Variants in ASTN2 observed in about 807,000 individuals in gnomAD.
The protein encoded by ASTN2 is astrotactin 2.
A neutral mutation model predicts 139.8 loss-of-function variants in ASTN2; 54 were observed. The observed-to-expected ratio is 0.39, with a 90% CI of 0.31 to 0.48. The LOEUF (loss-of-function observed/expected upper bound fraction) is 0.48, where lower values mean the gene tolerates loss of function less well. Among genes scored for constraint, ASTN2 ranks in the 20% least tolerant of loss-of-function variants. The pLI is 0.95. For synonymous variants in ASTN2, 756 were observed against 719.5 expected (o/e 1.05, Z -0.81); for missense variants, 1,565 against 1,725.1 (o/e 0.91, Z 1.64).
At chr9:116,632,191 A>AGG (rs1564168894) in intron 17 of ASTN2, among the ~76,000 whole-genome samples, 7 of 20,878 alleles carry the variant, frequency 3.4e-4, no homozygotes, top group Non-Finnish European at 5.5e-4. Context: ...AGAGGGAGAG[A>AGG]GAGAGAAAGA....
chr9:116,986,702 C>T (rs1836693391), intron 7 of ASTN2, among the ~76,000 whole-genome samples: 1 of 152,150 alleles, frequency 6.6e-6, no homozygotes, highest in African/African-American at 2.4e-5. Context: ...CAGACAGAGG[C>T]CCAGAGGGGT....
At chr9:116,973,670 T>C (rs900429150) in intron 10 of ASTN2, among the ~76,000 whole-genome samples, 4 of 152,226 alleles carry the variant, frequency 2.6e-5, no homozygotes, top group Non-Finnish European at 5.9e-5. Flanking sequence ...TTAAAATATA[T>C]AATGCAGAGA....
intron 11 of ASTN2, among the ~76,000 whole-genome samples, chr9:116,835,552 G>T (rs181204383): frequency 1.2e-3 from 178 of 152,162 alleles, no homozygotes; most frequent in African/African-American, 4.0e-3. Context: ...AAGGAACTTT[G>T]GTCTCCACAA....
rs1478094082 is a variant in ASTN2 at position 117,414,631 on chromosome 9, G to T, written c.308C>A (p.Ala103Glu). 7.5e-7 allele frequency: 1 copy of T among 1,329,632 alleles called. No homozygotes were observed. Among genetic ancestry groups the T allele is most frequent in the South Asian group, 2.0e-5 (1 of 51,078 alleles). 82.4% of individuals were successfully genotyped at this position (1,329,632 alleles called of 1,614,324 possible). A position where few individuals can be genotyped will look rare whatever the true frequency, so the allele number is the denominator to read the frequency against. The change falls in exon 1 of 23, where the codon GCG becomes GAG. Residue 103 changes from alanine (A) to glutamate (E), a missense_variant. Transcript: ENST00000313400. The surrounding 1 kb of genome is among the most constrained non-coding windows in gnomAD (Gnocchi z 4.2). Reference protein sequence around the residue: ...GTGAGAAAAAASPGSPGSAGT... With the variant: ...GTGAGAAAAAESPGSPGSAGT... ...GGCAGAGCCAGGAGAGCCCGGGGAC[G>T]CGGCGGCGGCGGCGGCTCCGGCCCC...
Position 116,698,119 on chromosome 9 carries a change from C to T in ASTN2, c.2806+27652G>A, listed in dbSNP as rs755478136. Reference sequence around the variant, plus strand: ...GTGTTATGTGAGCCCTGCCGGGAGGCAGACCATCAGCCTCCTGGCCACTGT... The same window carrying T: ...GTGTTATGTGAGCCCTGCCGGGAGGTAGACCATCAGCCTCCTGGCCACTGT... On this transcript the variant is annotated intron_variant, in intron 16 of 22. Transcript: ENST00000313400. This position sits in a 1 kb window ranked among gnomAD's most constrained non-coding sequence, Gnocchi z 4.4. 42 of 1,614,004 alleles carry T rather than the reference C, an allele frequency of 2.6e-5. 1 individual carries two copies. Among genetic ancestry groups the T allele is most frequent in the Non-Finnish European group, 3.3e-5 (39 of 1,180,050 alleles).
intron 19 of ASTN2, among the ~76,000 whole-genome samples, chr9:116,502,742 T>C (rs199689536): frequency 3.0e-5 from 1 of 33,238 alleles, no homozygotes; most frequent in Non-Finnish European, 6.1e-5. Context: ...AATGAATGAA[T>C]GAATGAGGGA....
At chr9:116,790,529 T>C (rs1830500581) in intron 13 of ASTN2, among the ~76,000 whole-genome samples, 1 of 152,230 alleles carries the variant, frequency 6.6e-6, no homozygotes, top group South Asian at 2.1e-4. Context: ...CTCCCTCACA[T>C]GCTAACTGTT....
intron 13 of ASTN2, among the ~76,000 whole-genome samples, chr9:116,767,902 T>C (rs1216708770): frequency 1.3e-5 from 2 of 152,188 alleles, no homozygotes; most frequent in Non-Finnish European, 2.9e-5. Context: ...GGTAAAAAAG[T>C]ACTAATTACT....
chr9:117,353,789 G>A (rs1434354688), intron 1 of ASTN2, among the ~76,000 whole-genome samples: 1 of 152,056 alleles, frequency 6.6e-6, no homozygotes, highest in Non-Finnish European at 1.5e-5. Context: ...CTAAGTGAAA[G>A]AAGCCAATCT....
chr9:117,261,445 A>G (rs999107318), intron 2 of ASTN2, among the ~76,000 whole-genome samples: 1 of 152,164 alleles, frequency 6.6e-6, no homozygotes, highest in African/African-American at 2.4e-5. Flanking sequence ...AGCACTTGGA[A>G]CGTCTGATTC....
intron 13 of ASTN2, among the ~76,000 whole-genome samples, chr9:116,772,850 G>A (rs1239304427): frequency 1.3e-5 from 2 of 152,106 alleles, no homozygotes; most frequent in Non-Finnish European, 2.9e-5. Flanking sequence ...AGAGCTCAGG[G>A]GGCTTAGCTT....
At chr9:117,278,398 C>T (rs1322070311) in intron 2 of ASTN2, among the ~76,000 whole-genome samples, 1 of 152,266 alleles carries the variant, frequency 6.6e-6, no homozygotes, top group East Asian at 1.9e-4. Flanking sequence ...CACACACAAA[C>T]AACACACACA....
intron 1 of ASTN2, among the ~76,000 whole-genome samples, chr9:117,412,405 C>T (rs1009534919): frequency 6.6e-6 from 1 of 152,174 alleles, no homozygotes; most frequent in Admixed American, 6.5e-5. Context: ...CCAGGAGACT[C>T]TCAAGCAACA....
At position 116,729,073 on chromosome 9, in the gene ASTN2, T is replaced by C. The variant is rs1828708469; in HGVS notation, c.2545A>G (p.Met849Val). The C allele has an allele frequency of 3.8e-6, 6 of 1,594,486 alleles. No homozygotes were observed. The highest frequency in any genetic ancestry group is 5.1e-6 in the Non-Finnish European group (6 of 1,169,640). ...CACTGCTGCACCATGGGGTAACCCA[T>C]GGCCTCATCATACCTGATATCTCCT... is the stretch of plus-strand genomic sequence containing the variant. Reference protein sequence around the residue: ...LTGDIRYDEAMGYPMVQQWRV... With the variant: ...LTGDIRYDEAVGYPMVQQWRV... Residue 849 changes from methionine to valine, a missense_variant, in exon 15 of 23, where the codon ATG (methionine) becomes GTG (valine). By Grantham distance (21) the Met-to-Val change is conservative. Coordinates refer to ENST00000313400, the MANE Select transcript of ASTN2 (RefSeq NM_001365068.1).
rs1834797890 is a variant in ASTN2, at chr9:116,927,850, T to C, written c.1889+47358A>G. ...GAGTAAGTGACTGAAAACTCCATTG[T>C]ACTGCCCTGTTGCTGCATAAAACTG... On this transcript the variant is annotated intron_variant, in intron 10 of 22. Transcript: ENST00000313400. 3.3e-5 allele frequency among the ~76,000 whole-genome samples: 5 copies of C among 152,230 alleles called. No individual in the cohort carries two copies. The South Asian group carries it at 1.0e-3, about 32-fold the overall frequency.
intron 22 of ASTN2, among the ~76,000 whole-genome samples, chr9:116,439,146 T>C (rs909436089): frequency 6.6e-6 from 1 of 151,666 alleles, no homozygotes; most frequent in African/African-American, 2.4e-5. Context: ...GGGTAGATGA[T>C]GTTGGTTTTC....
intron 5 of ASTN2, among the ~76,000 whole-genome samples, chr9:117,077,239 G>A (rs1223291863): frequency 6.6e-6 from 1 of 152,130 alleles, no homozygotes; most frequent in Non-Finnish European, 1.5e-5. Context: ...AGCACAGAGA[G>A]GAGTTTTGGC....
At chr9:117,130,909 A>G (rs1391113441) in intron 4 of ASTN2, among the ~76,000 whole-genome samples, 1 of 152,216 alleles carries the variant, frequency 6.6e-6, no homozygotes, top group Non-Finnish European at 1.5e-5. Context: ...TATTTGTGGC[A>G]TGCTTGAAAA....
chr9:117,342,302 C>G (rs996942008), intron 1 of ASTN2, among the ~76,000 whole-genome samples: 8 of 152,248 alleles, frequency 5.3e-5, no homozygotes, highest in Middle Eastern at 3.4e-3. Context: ...GTTGGCATGC[C>G]ACTTAGCCTC....
Sources: gnomAD v4.1 joint callset for allele counts (sites outside exome capture counted in the v4.1 genomes callset) on GRCh38, gnomAD v4.1.1 for gene constraint, Gnocchi (gnomAD v3.1) non-coding constraint, MANE v1.5 for transcripts, NCBI Gene and HGNC (gene_info 2026-07-23, HGNC 2026-07-21) for gene names.